AGBL1: variants seen among roughly 807,000 people sequenced by gnomAD.
The protein encoded by AGBL1 is AGBL carboxypeptidase 1, also known as cytosolic carboxypeptidase 4.
In AGBL1, 130 loss-of-function variants were observed where a neutral mutation model predicts 118.9. That is an observed-to-expected ratio of 1.09 (90% CI 0.95 to 1.26). The LOEUF (loss-of-function observed/expected upper bound fraction) is 1.26. Among genes scored for constraint, AGBL1 ranks in the 50% most tolerant of loss-of-function variants. The pLI is 0.00. For synonymous variants in AGBL1, 555 were observed against 478.9 expected, an observed-to-expected ratio of 1.16 and a Z score of -2.08; for missense variants, 1,584 against 1,298.1, an observed-to-expected ratio of 1.22 and a Z score of -3.38.
intron 18 of AGBL1, among the ~76,000 whole-genome samples, chr15:86,497,479 C>A: frequency 6.6e-6 from 1 of 151,934 alleles, no homozygotes; most frequent in Non-Finnish European, 1.5e-5. Flanking sequence ...GAGAATGTGG[C>A]TTTTCCGTTT....
chr15:86,605,913 G>A (rs1257626008), intron 21 of AGBL1, among the ~76,000 whole-genome samples: 1 of 151,926 alleles, frequency 6.6e-6, no homozygotes, highest in Non-Finnish European at 1.5e-5. Flanking sequence ...GATCGCCTGA[G>A]GTCAGGAGTT....
chr15:86,934,546 G>C (rs1596649063), intron 23 of AGBL1, among the ~76,000 whole-genome samples: 1 of 143,338 alleles, frequency 7.0e-6, no homozygotes, highest in African/African-American at 2.5e-5. Context: ...AAAAAAAAAA[G>C]TAAATAGCAG....
At chr15:86,566,258 G>A (rs1043034911) in intron 21 of AGBL1, among the ~76,000 whole-genome samples, 3 of 152,140 alleles carry the variant, frequency 2.0e-5, no homozygotes, top group Non-Finnish European at 4.4e-5. Flanking sequence ...TTCCTGTTTG[G>A]CCATCTTGGA....
intron 1 of AGBL1, among the ~76,000 whole-genome samples, chr15:86,141,433 C>G (rs185502153): frequency 6.6e-6 from 1 of 152,090 alleles, no homozygotes; most frequent in African/African-American, 2.4e-5. Context: ...AGGCAGATAA[C>G]GTGGTCAGGA....
chr15:86,458,698 A>G (rs953491745), intron 18 of AGBL1, among the ~76,000 whole-genome samples: 1 of 152,188 alleles, frequency 6.6e-6, no homozygotes, highest in Non-Finnish European at 1.5e-5. Flanking sequence ...GAGAACATTA[A>G]GGCAGAGAAG....
At chr15:87,027,981 T>C (rs1239344918) in intron 24 of AGBL1, among the ~76,000 whole-genome samples, 1 of 151,628 alleles carries the variant, frequency 6.6e-6, no homozygotes, top group Non-Finnish European at 1.5e-5. Flanking sequence ...CAAACCACCA[T>C]GGCACATGTT....
intron 17 of AGBL1, among the ~76,000 whole-genome samples, chr15:86,361,531 T>C (rs2141921968): frequency 6.6e-6 from 1 of 152,226 alleles, no homozygotes; most frequent in African/African-American, 2.4e-5. Flanking sequence ...ATATCCCTTA[T>C]AGAGAATGGA....
intron 1 of AGBL1, among the ~76,000 whole-genome samples, chr15:86,120,842 A>G (rs1395724235): frequency 1.3e-5 from 2 of 151,638 alleles, no homozygotes; most frequent in Non-Finnish European, 1.5e-5. Flanking sequence ...GGGCTCATGT[A>G]TTTCCTACTG....
chr15:86,760,882 T>A (rs761471293), intron 22 of AGBL1, among the ~76,000 whole-genome samples: 9 of 152,082 alleles, frequency 5.9e-5, no homozygotes, highest in Non-Finnish European at 1.0e-4. Flanking sequence ...CTGTAAGGTC[T>A]ACAAAAAAGT....
intron 23 of AGBL1, among the ~76,000 whole-genome samples, chr15:86,980,235 A>C (rs1255561801): frequency 6.6e-6 from 1 of 152,216 alleles, no homozygotes; most frequent in Non-Finnish European, 1.5e-5. Flanking sequence ...GGTTGGTACA[A>C]GAATTTCACC....
chr15:86,634,822 A>G (rs1178299912), intron 21 of AGBL1, among the ~76,000 whole-genome samples: 1 of 152,208 alleles, frequency 6.6e-6, no homozygotes, highest in Non-Finnish European at 1.5e-5. Context: ...TCTGGCAATA[A>G]AAATGTTCCG....
intron 5 of AGBL1, among the ~76,000 whole-genome samples, chr15:86,168,563 A>T (rs1054997313): frequency 1.3e-5 from 2 of 152,214 alleles, no homozygotes; most frequent in Non-Finnish European, 2.9e-5. Flanking sequence ...TATAACCTGA[A>T]AAAGCTCAAT....
chr15:86,398,028 A>T (rs903648522), intron 18 of AGBL1, among the ~76,000 whole-genome samples: 3 of 152,186 alleles, frequency 2.0e-5, no homozygotes, highest in African/African-American at 7.2e-5. Context: ...GCTTTTATTT[A>T]CTTATTAATA....
At chr15:86,973,369 G>C (rs934193710) in intron 23 of AGBL1, among the ~76,000 whole-genome samples, 1 of 151,944 alleles carries the variant, frequency 6.6e-6, no homozygotes, top group Non-Finnish European at 1.5e-5. Flanking sequence ...TTGATGGTGA[G>C]AAATCTATTT....
At chr15:86,797,592 C>T (rs2078590894) in intron 22 of AGBL1, among the ~76,000 whole-genome samples, 1 of 152,148 alleles carries the variant, frequency 6.6e-6, no homozygotes, top group Admixed American at 6.5e-5. Context: ...TGAGTGATCA[C>T]AGTTGAGATA....
intron 22 of AGBL1, among the ~76,000 whole-genome samples, chr15:86,805,941 C>T (rs1236571623): frequency 6.6e-6 from 1 of 152,146 alleles, no homozygotes; most frequent in Non-Finnish European, 1.5e-5. Flanking sequence ...TGTAACAGCA[C>T]AAACTCCAGA....
intron 22 of AGBL1, among the ~76,000 whole-genome samples, chr15:86,790,343 A>AACACAC (rs4035430): frequency 4.7e-5 from 7 of 148,902 alleles, no homozygotes; most frequent in Non-Finnish European, 1.0e-4. Context: ...TTGTCCTTCA[A>AACACAC]ACACACACAC....
intron 21 of AGBL1, among the ~76,000 whole-genome samples, chr15:86,649,001 G>T (rs554297265): frequency 6.6e-6 from 1 of 152,178 alleles, no homozygotes; most frequent in South Asian, 2.1e-4. Context: ...GTGATATGAA[G>T]AGACCCTTTT....
At chr15:86,133,224 C>CAGCCTCACT (rs1361746192) in intron 1 of AGBL1, among the ~76,000 whole-genome samples, 5 of 152,186 alleles carry the variant, frequency 3.3e-5, no homozygotes, top group Admixed American at 2.0e-4. Flanking sequence ...TTCTGTGCCT[C>CAGCCTCACT]AGCCTCACTA....
Sources: gnomAD v4.1 joint callset for allele counts (sites outside exome capture counted in the v4.1 genomes callset) on GRCh38, gnomAD v4.1.1 for gene constraint, MANE v1.5 for transcripts, NCBI Gene and HGNC (gene_info 2026-07-23, HGNC 2026-07-21) for gene names.